The following XYLT1 variants were observed in gnomAD, a reference collection of about 807,000 sequenced individuals.
XYLT1 encodes the protein beta-D-xylosyltransferase 1.
A neutral mutation model predicts 91.3 loss-of-function variants in XYLT1; 36 were observed. The observed-to-expected ratio is 0.39, with a 90% confidence interval of 0.30 to 0.52. The LOEUF (loss-of-function observed/expected upper bound fraction) is 0.52. XYLT1 is among the 20% of genes least tolerant of loss of function. The pLI, the probability that XYLT1 is intolerant of heterozygous loss-of-function variation, is 0.68. For synonymous variants in XYLT1, 588 were observed against 532.0 expected (o/e 1.11, Z -1.45); for missense variants, 1,242 against 1,284.5 (o/e 0.97, Z 0.51).
intron 2 of XYLT1, among the ~76,000 whole-genome samples, chr16:17,295,694 A>G (rs2034299506): frequency 6.6e-6 from 1 of 152,196 alleles, no homozygotes; most frequent in Non-Finnish European, 1.5e-5. Flanking sequence ...CTTGACCCAC[A>G]GGGGACATCT....
chr16:17,351,589 A>C (rs2141856402), intron 2 of XYLT1, among the ~76,000 whole-genome samples: 1 of 152,236 alleles, frequency 6.6e-6, no homozygotes, highest in African/African-American at 2.4e-5. Flanking sequence ...TCTGAACTTA[A>C]ACCAGAAAGG....
At chr16:17,189,525 C>A (rs1330492051) in intron 5 of XYLT1, among the ~76,000 whole-genome samples, 3 of 152,198 alleles carry the variant, frequency 2.0e-5, no homozygotes, top group African/African-American at 7.2e-5. Flanking sequence ...GCAGATACAA[C>A]ATGGCCAGGA....
rs145598631 is a variant in XYLT1 at position 17,132,817 on chromosome 16, C to T, written c.2027+1656G>A. ...ACTCAGGAGGCTGAGGCAGAAGAAT[C>T]GCTTGAACCTGGGAGGTGGAGGTTG... On this transcript the variant is annotated intron_variant, in intron 9 of 11. Transcript: ENST00000261381. 1.1e-3 allele frequency among the ~76,000 whole-genome samples: 172 copies of T among 152,208 alleles called. 1 individual carries two copies. Among genetic ancestry groups the T allele is most frequent in the Non-Finnish European group, 7.4e-4 (50 of 67,994 alleles).
intron 1 of XYLT1, among the ~76,000 whole-genome samples, chr16:17,450,573 G>A (rs1320319900): frequency 2.0e-5 from 3 of 152,128 alleles, no homozygotes. Context: ...AAAGTTCAGA[G>A]CACAAGGGAC....
intron 2 of XYLT1, 93 bp from the exon 3 acceptor site, chr16:17,259,591 A>G: frequency 6.9e-7 from 1 of 1,446,682 alleles, no homozygotes; most frequent in East Asian, 2.3e-5. Flanking sequence ...ACGGACTTGG[A>G]AGCCGGGGCC....
intron 2 of XYLT1, among the ~76,000 whole-genome samples, chr16:17,353,258 C>T (rs894036510): frequency 2.0e-5 from 3 of 152,158 alleles, no homozygotes; most frequent in Non-Finnish European, 4.4e-5. Context: ...AATCTTGACT[C>T]GGCAAAAGAG....
At chr16:17,283,298 A>G (rs1485742471) in intron 2 of XYLT1, among the ~76,000 whole-genome samples, 2 of 152,156 alleles carry the variant, frequency 1.3e-5, no homozygotes, top group Admixed American at 6.5e-5. Context: ...GTTCTTTAAT[A>G]TCTGTCAGGA....
intron 3 of XYLT1, among the ~76,000 whole-genome samples, chr16:17,241,293 G>C (rs2033342173): frequency 6.6e-6 from 1 of 152,176 alleles, no homozygotes; most frequent in African/African-American, 2.4e-5. Context: ...GGATAACCAG[G>C]TTAATTGCTC....
At chr16:17,453,608 C>A (rs1243926528) in intron 1 of XYLT1, among the ~76,000 whole-genome samples, 1 of 152,248 alleles carries the variant, frequency 6.6e-6, no homozygotes, top group South Asian at 2.1e-4. Context: ...GATGCTGTGG[C>A]CATGTACAGC....
intron 5 of XYLT1, among the ~76,000 whole-genome samples, chr16:17,162,118 T>C (rs1370628990): frequency 6.6e-6 from 1 of 152,064 alleles, no homozygotes; most frequent in Non-Finnish European, 1.5e-5. Context: ...CTAAAAAATG[T>C]AAATTTTGGC....
intron 2 of XYLT1, among the ~76,000 whole-genome samples, chr16:17,273,367 C>T (rs942899798): frequency 2.0e-5 from 3 of 152,172 alleles, no homozygotes; most frequent in Non-Finnish European, 2.9e-5. Flanking sequence ...TGACTCAATA[C>T]GCAGTAGCTG....
chr16:17,112,615 C>T (rs1374548276), intron 11 of XYLT1, among the ~76,000 whole-genome samples: 1 of 152,136 alleles, frequency 6.6e-6, no homozygotes, highest in Non-Finnish European at 1.5e-5. Context: ...CATTAGACAT[C>T]GTTAGAGATG....
At chr16:17,457,108 A>G (rs764122662) in intron 1 of XYLT1, among the ~76,000 whole-genome samples, 1 of 152,186 alleles carries the variant, frequency 6.6e-6, no homozygotes, top group Non-Finnish European at 1.5e-5. Flanking sequence ...TGAAGACCAG[A>G]ATTTCGAATT....
chr16:17,221,730 C>A (rs546845590), intron 3 of XYLT1, among the ~76,000 whole-genome samples: 17 of 152,216 alleles, frequency 1.1e-4, no homozygotes, highest in South Asian at 8.3e-4. Context: ...CAGAGTGAGA[C>A]CTTGTCTCCA....
At chr16:17,119,534 A>G (rs940924616) in intron 10 of XYLT1, among the ~76,000 whole-genome samples, 6 of 152,198 alleles carry the variant, frequency 3.9e-5, no homozygotes, top group African/African-American at 1.4e-4. Context: ...ATAGGAGCTG[A>G]TCTAGCTTCT....
rs1351854130 is a variant in XYLT1 at position 17,105,053 on chromosome 16, A to G, written c.*3642T>C. On this transcript the variant is annotated 3_prime_UTR_variant, in exon 12 of 12. Transcript: ENST00000261381. ...CCCCTAGATGTACCCCTCCACCTGA[A>G]TGTACACCTCTCCACCCCTCGATAC... 1.3e-5 allele frequency: 2 copies of G among 152,160 alleles called. No homozygotes were observed. The highest frequency in any genetic ancestry group is 2.9e-5 in the Non-Finnish European group (2 of 68,042). 9.4% of individuals were successfully genotyped at this position (152,160 alleles called of 1,614,324 possible). A position where few individuals can be genotyped will look rare whatever the true frequency, so the allele number is the denominator to read the frequency against.
intron 11 of XYLT1, among the ~76,000 whole-genome samples, chr16:17,113,750 T>G (rs1182102364): frequency 1.3e-5 from 2 of 152,220 alleles, no homozygotes; most frequent in African/African-American, 4.8e-5. Context: ...CAATCACATT[T>G]TGACACAGTT....
At chr16:17,135,434 A>G (rs2030678215) in intron 8 of XYLT1, among the ~76,000 whole-genome samples, 2 of 152,104 alleles carry the variant, frequency 1.3e-5, no homozygotes, top group South Asian at 4.1e-4. Flanking sequence ...AGACAGGAGA[A>G]TCACTTGAAC....
chr16:17,381,220 C>T (rs947583245), intron 1 of XYLT1, among the ~76,000 whole-genome samples: 1 of 151,840 alleles, frequency 6.6e-6, no homozygotes, highest in Admixed American at 6.6e-5. Context: ...TAAGAAAATC[C>T]TGGGGGTGAT....
Sources: allele counts gnomAD v4.1 joint callset (sites outside exome capture counted in the v4.1 genomes callset), GRCh38; gene constraint gnomAD v4.1.1; transcripts MANE v1.5; gene names NCBI Gene and HGNC (gene_info 2026-07-23, HGNC 2026-07-21).